The following SLC41A3 variants were observed in gnomAD, a reference collection of about 807,000 sequenced individuals.
The protein encoded by SLC41A3 is SLC41A1-like 2.
A neutral mutation model predicts 45.4 loss-of-function variants in SLC41A3; 44 were observed. The ratio of observed to expected loss-of-function variants is 0.97; its 90% CI spans 0.76 to 1.25. The LOEUF (loss-of-function observed/expected upper bound fraction) is 1.25. SLC41A3 is among the 50% of genes most tolerant of loss of function. The pLI is 0.00. For missense variants in SLC41A3, 550 were observed against 600.6 expected, an observed-to-expected ratio of 0.92 and a Z score of 0.88; for synonymous variants, 256 against 252.4, an observed-to-expected ratio of 1.01 and a Z score of -0.13.
chr3:126,071,698 C>A (rs1344670056), intron 1 of SLC41A3, among the ~76,000 whole-genome samples: 1 of 151,400 alleles, frequency 6.6e-6, no homozygotes, highest in East Asian at 1.9e-4. Flanking sequence ...GTTTTCCAAC[C>A]ACAACAAAAT....
chr3:126,096,916 C>T (rs984822733), intron 1 of SLC41A3, among the ~76,000 whole-genome samples: 1 of 152,172 alleles, frequency 6.6e-6, no homozygotes, highest in Admixed American at 6.5e-5. Flanking sequence ...GTCCTTCCCT[C>T]CTCGGAAGAA....
At chr3:126,088,776 A>G (rs980616377), upstream of SLC41A3, among the ~76,000 whole-genome samples, 9 of 152,226 alleles carry the variant, frequency 5.9e-5, no homozygotes, top group Non-Finnish European at 7.3e-5. Context: ...GCTTCTTAAA[A>G]AAATGTATAG....
At chr3:126,022,388 T>C (rs1410186956) in intron 6 of SLC41A3, among the ~76,000 whole-genome samples, 1 of 152,218 alleles carries the variant, frequency 6.6e-6, no homozygotes, top group Non-Finnish European at 1.5e-5. Flanking sequence ...TTTCTTATGG[T>C]TGTGGAGGCT....
chr3:126,074,352 G>A (rs987576737), intron 1 of SLC41A3, among the ~76,000 whole-genome samples: 6 of 151,936 alleles, frequency 3.9e-5, no homozygotes, highest in Non-Finnish European at 1.5e-5. Context: ...GCGAGAGTCT[G>A]AAAGTTTTCC....
At chr3:126,098,682 C>T (rs1259979783) in intron 1 of SLC41A3, among the ~76,000 whole-genome samples, 2 of 152,226 alleles carry the variant, frequency 1.3e-5, no homozygotes, top group African/African-American at 4.8e-5. Flanking sequence ...CCACACCTTC[C>T]CTCATGACTG....
chr3:126,040,241 G>A (rs982597073), intron 3 of SLC41A3, among the ~76,000 whole-genome samples: 4 of 152,148 alleles, frequency 2.6e-5, no homozygotes, highest in Non-Finnish European at 5.9e-5. Context: ...ATATTACAAT[G>A]AACTTGAGTT....
chr3:126,045,257 G>A (rs1420634843), intron 3 of SLC41A3, among the ~76,000 whole-genome samples: 1 of 150,144 alleles, frequency 6.7e-6, no homozygotes, highest in Non-Finnish European at 1.5e-5. Context: ...AAAGTTCACA[G>A]AAAGAAGGAA....
chr3:126,019,305 G>A (rs115447548), intron 6 of SLC41A3, among the ~76,000 whole-genome samples: 1,806 of 152,244 alleles, frequency 0.012, 30 homozygotes, highest in African/African-American at 0.041. Context: ...CTGTTCATGA[G>A]GGCAGAGCCC....
intron 8 of SLC41A3, among the ~76,000 whole-genome samples, chr3:126,013,069 G>A (rs368492022): frequency 2.0e-5 from 3 of 152,284 alleles, no homozygotes; most frequent in African/African-American, 7.2e-5. Flanking sequence ...GGGATCCAGG[G>A]ACAAAGTAAG....
intron 6 of SLC41A3, among the ~76,000 whole-genome samples, chr3:126,022,388 TTG>T (rs1235576201): frequency 1.3e-5 from 2 of 152,218 alleles, no homozygotes; most frequent in African/African-American, 4.8e-5. Flanking sequence ...TTTCTTATGG[TTG>T]TGGAGGCTGA....
intron 2 of SLC41A3, among the ~76,000 whole-genome samples, chr3:126,054,090 A>C (rs1019172805): frequency 6.6e-6 from 1 of 152,126 alleles, no homozygotes; most frequent in Non-Finnish European, 1.5e-5. Context: ...CATCTTTGAC[A>C]CCACTGTCTG....
At chr3:126,050,221 C>T (rs1943234908) in intron 3 of SLC41A3, among the ~76,000 whole-genome samples, 1 of 152,198 alleles carries the variant, frequency 6.6e-6, no homozygotes, top group East Asian at 1.9e-4. Flanking sequence ...TCGGCAGCCC[C>T]CTGCCCCCAC....
At chr3:126,054,103 G>C (rs1156752236) in intron 2 of SLC41A3, among the ~76,000 whole-genome samples, 1 of 152,118 alleles carries the variant, frequency 6.6e-6, no homozygotes, top group Non-Finnish European at 1.5e-5. Flanking sequence ...ACTGTCTGGG[G>C]TGGGTTTTGT....
At chr3:126,091,994 A>G (rs976603687) in intron 1 of SLC41A3, among the ~76,000 whole-genome samples, 4 of 152,272 alleles carry the variant, frequency 2.6e-5, no homozygotes, top group African/African-American at 7.2e-5. Flanking sequence ...CTACTTTTTC[A>G]GGTTAATTTC....
chr3:126,081,819 A>C (rs548896316), intron 1 of SLC41A3, among the ~76,000 whole-genome samples: 2 of 152,282 alleles, frequency 1.3e-5, no homozygotes, highest in Admixed American at 6.5e-5. Context: ...TTGGTGAGTC[A>C]CTCACACGCG....
intron 9 of SLC41A3, among the ~76,000 whole-genome samples, chr3:126,011,141 TACA>T (rs1939664235): frequency 6.6e-6 from 1 of 152,014 alleles, no homozygotes; most frequent in Non-Finnish European, 1.5e-5. Flanking sequence ...ATGAAGCCAC[TACA>T]ACAATCCTTC....
chr3:126,037,061 A>G (rs933944446), intron 3 of SLC41A3, among the ~76,000 whole-genome samples: 3 of 152,166 alleles, frequency 2.0e-5, no homozygotes, highest in African/African-American at 7.2e-5. Context: ...GTAGGATCTG[A>G]TGGAAGGTGT....
intron 3 of SLC41A3, among the ~76,000 whole-genome samples, chr3:126,037,046 T>C (rs1008066): frequency 0.22 from 33,232 of 152,132 alleles, 4,070 homozygotes; most frequent in Non-Finnish European, 0.27. Context: ...TCCCCAGTAT[T>C]GGAGGTAGGA....
At chr3:126,018,397 T>G (rs573794605) in intron 6 of SLC41A3, among the ~76,000 whole-genome samples, 2 of 152,372 alleles carry the variant, frequency 1.3e-5, no homozygotes, top group East Asian at 3.9e-4. Flanking sequence ...GTCATCTTAT[T>G]CTTTCTTACA....
Sources: allele counts gnomAD v4.1 joint callset (sites outside exome capture counted in the v4.1 genomes callset), GRCh38; gene constraint gnomAD v4.1.1; transcripts MANE v1.5; gene names NCBI Gene and HGNC (gene_info 2026-07-23, HGNC 2026-07-21).